The following CPN1 variants were observed in gnomAD, a reference collection of about 807,000 sequenced individuals.
CPN1 encodes the protein carboxypeptidase N subunit 1.
Under a neutral mutation model 46.4 loss-of-function variants are expected in CPN1, and 37 were observed. The ratio of observed to expected loss-of-function variants is 0.80; its 90% confidence interval spans 0.61 to 1.05. The LOEUF is 1.05. Ranked by LOEUF, CPN1 falls within the 50% of genes least tolerant of loss-of-function variation. The pLI, the probability that CPN1 is intolerant of heterozygous loss-of-function variation, is 0.00. For missense variants in CPN1, 563 were observed against 602.6 expected (o/e 0.93, Z 0.69); for synonymous variants, 224 against 235.4 (o/e 0.95, Z 0.44).
chr10:100,075,764 C>A, intron 2 of CPN1, 147 bp downstream of exon 2: 1 of 892,188 alleles, frequency 1.1e-6, no homozygotes, highest in Admixed American at 2.1e-5. Flanking sequence ...TCTTATATTT[C>A]TGATGGATTT....
At chr10:100,077,815 G>C (rs2041523861) in intron 1 of CPN1, among the ~76,000 whole-genome samples, 1 of 152,024 alleles carries the variant, frequency 6.6e-6, no homozygotes, top group South Asian at 2.1e-4. Context: ...TATAGTAGAT[G>C]ACAGGTAGTT....
intron 3 of CPN1, 48 bp from the exon 4 acceptor site, chr10:100,065,418 A>G (rs1245272872): frequency 1.9e-6 from 3 of 1,608,188 alleles, no homozygotes; most frequent in Non-Finnish European, 2.6e-6. Flanking sequence ...TGGGGCTACC[A>G]AACAAACGGC....
At position 100,075,937 on chromosome 10, in the gene CPN1, C is replaced by T. The variant is rs754558434; in HGVS notation, c.394G>A (p.Asp132Asn). The T allele has an allele frequency of 2.7e-5, 43 of 1,614,022 alleles. 1 individual carries two copies. The highest frequency in any genetic ancestry group is 8.3e-5 in the Admixed American group (5 of 60,004). ...TGGGCAGCAGCCACCTCGTAGCCGT[C>T]GGGGTTCATGGATGGCAGGATGTGA... ...RIHILPSMNP[D>N]GYEVAAAQGP... Residue 132 changes from aspartate (D) to asparagine (N), a missense_variant, in exon 2 of 9, where the codon GAC (aspartate) becomes AAC (asparagine). Coordinates refer to ENST00000370418, the MANE Select transcript of CPN1 (RefSeq NM_001308.3).
intron 5 of CPN1, among the ~76,000 whole-genome samples, chr10:100,060,059 AG>A (rs1413694360): frequency 1.3e-5 from 2 of 152,164 alleles, no homozygotes; most frequent in African/African-American, 4.8e-5. Context: ...AAAGACAAAA[AG>A]TAGAATGGTG....
intron 7 of CPN1, among the ~76,000 whole-genome samples, chr10:100,053,460 C>CA (rs2041367067): frequency 6.6e-6 from 1 of 151,806 alleles, no homozygotes; most frequent in Admixed American, 6.6e-5. Context: ...CCCATCTCTA[C>CA]AAAAAACACA....
At chr10:100,054,313 G>A in intron 7 of CPN1, 34 bp downstream of exon 7, 4 of 1,521,066 alleles carry the variant, frequency 2.6e-6, no homozygotes, top group South Asian at 2.2e-5. Flanking sequence ...AGGAGTTAAC[G>A]CTTCCTTCTT....
At position 100,081,051 on chromosome 10, in the gene CPN1, C is replaced by T. The variant is rs142096740; in HGVS notation, c.223+352G>A. On this transcript the variant is annotated intron_variant, in intron 1 of 8. Transcript: ENST00000370418. ...AAGGGCTCATTGTTTTTGCCTATGT[C>T]TCCTGAGCCATTGGGTGGGGAAAGA... Among the ~76,000 whole-genome samples, 1,012 of 152,222 alleles carry T rather than the reference C, an allele frequency of 6.6e-3. 15 individuals carry two copies. The highest frequency in any genetic ancestry group is 0.023 in the African/African-American group (938 of 41,524).
intron 2 of CPN1, among the ~76,000 whole-genome samples, chr10:100,070,077 C>T (rs2041475877): frequency 6.6e-6 from 1 of 151,914 alleles, no homozygotes; most frequent in African/African-American, 2.4e-5. Context: ...CACACACCAC[C>T]ACACCCGCTA....
rs2041278645 is a variant in CPN1, at chr10:100,042,272, G to A, written c.*155C>T. On this transcript the variant is annotated 3_prime_UTR_variant, in exon 9 of 9. Coordinates refer to ENST00000370418, the MANE Select transcript of CPN1 (RefSeq NM_001308.3). ...CTAATTTTTTTCATGATGACCTAGAGATGGCTTACCCCTGGAACAGATGGA... is the reference window on the plus strand; with the variant it reads ...CTAATTTTTTTCATGATGACCTAGAAATGGCTTACCCCTGGAACAGATGGA... The A allele has an allele frequency of 9.6e-7, 1 of 1,039,116 alleles. No individual in the cohort carries two copies. The allele number at this position is 1,039,116 out of a possible 1,614,324, so 64.4% of individuals were successfully genotyped here.
In CPN1 at chr10:100,067,287, T is replaced by G. The variant is rs541742610; in HGVS notation, c.577-1917A>C. 1.5e-3 allele frequency among the ~76,000 whole-genome samples: 234 copies of G among 152,246 alleles called. 1 individual carries two copies. Among genetic ancestry groups the G allele is most frequent in the Non-Finnish European group, 2.2e-3 (153 of 68,028 alleles). On this transcript the variant is annotated intron_variant, in intron 3 of 8. Coordinates refer to ENST00000370418, the MANE Select transcript of CPN1 (RefSeq NM_001308.3). Reference sequence around the variant, plus strand: ...GCCCACCACCACAGCTGGCTAATTTTTGTATTTTTAGTAGGATGGGGTTTC... The same window carrying G: ...GCCCACCACCACAGCTGGCTAATTTGTGTATTTTTAGTAGGATGGGGTTTC...
chr10:100,056,147 C>A (rs1400998981), intron 6 of CPN1, among the ~76,000 whole-genome samples: 2 of 152,222 alleles, frequency 1.3e-5, no homozygotes, highest in Non-Finnish European at 2.9e-5. Flanking sequence ...CACATCCTTG[C>A]AAACATTTGT....
intron 2 of CPN1, among the ~76,000 whole-genome samples, chr10:100,074,131 A>G (rs1298577664): frequency 6.6e-6 from 1 of 152,138 alleles, no homozygotes; most frequent in Non-Finnish European, 1.5e-5. Flanking sequence ...GTAACATAAC[A>G]TATTCATAGG....
chr10:100,053,010 A>G (rs2133429393), intron 7 of CPN1, among the ~76,000 whole-genome samples: 1 of 152,340 alleles, frequency 6.6e-6, no homozygotes, highest in East Asian at 1.9e-4. Context: ...CATAAGGATG[A>G]TTCCTACGAC....
chr10:100,049,648 C>T (rs2041338359), intron 7 of CPN1, among the ~76,000 whole-genome samples: 2 of 151,744 alleles, frequency 1.3e-5, no homozygotes, highest in African/African-American at 4.8e-5. Flanking sequence ...CTCAAGTGAT[C>T]CTTCCGCCTC....
chr10:100,060,869 C>T (rs187753715), intron 5 of CPN1, among the ~76,000 whole-genome samples: 1 of 152,142 alleles, frequency 6.6e-6, no homozygotes, highest in East Asian at 1.9e-4. Context: ...CCTAAGTGTG[C>T]ATCAACAGAC....
At chr10:100,069,641 T>G in intron 3 of CPN1, 73 bp downstream of exon 3, 6 of 1,570,218 alleles carry the variant, frequency 3.8e-6, no homozygotes, top group Non-Finnish European at 5.3e-6. Flanking sequence ...GATGTAAAGA[T>G]GGCTTAGCAG....
Position 100,069,713 on chromosome 10 carries a change from C to T in CPN1, c.576+1G>A. ...CTTTGTTTGCAAATTTCATCTCCTACCTGACTTTTCCAGTTGTCTGGAAGG... is the reference window on the plus strand; with the variant it reads ...CTTTGTTTGCAAATTTCATCTCCTATCTGACTTTTCCAGTTGTCTGGAAGG... On this transcript the variant is annotated splice_donor_variant, in intron 3 of 8. Coordinates refer to ENST00000370418, the MANE Select transcript of CPN1 (RefSeq NM_001308.3). LOFTEE classifies it high-confidence loss of function. 1 of 1,613,900 alleles carries T rather than the reference C, an allele frequency of 6.2e-7. No homozygotes were observed. Among genetic ancestry groups the T allele is most frequent in the Non-Finnish European group, 8.5e-7 (1 of 1,180,012 alleles).
chr10:100,051,770 C>G (rs897630277), intron 7 of CPN1, among the ~76,000 whole-genome samples: 5 of 152,066 alleles, frequency 3.3e-5, no homozygotes, highest in African/African-American at 1.2e-4. Flanking sequence ...CTTAGGTGAT[C>G]CACCCGCCTT....
Position 100,055,768 on chromosome 10 carries a change from C to A in CPN1, c.1011+1245G>T, listed in dbSNP as rs141515783. On this transcript the variant is annotated intron_variant, in intron 6 of 8. Transcript: ENST00000370418. ...CAAACTCCCAAACTCAGGTGATCCGCCCGCCTCGGCCTCCCAAAGTGCTGG... is the reference window on the plus strand; with the variant it reads ...CAAACTCCCAAACTCAGGTGATCCGACCGCCTCGGCCTCCCAAAGTGCTGG... 4.6e-3 allele frequency among the ~76,000 whole-genome samples: 706 copies of A among 152,322 alleles called. 4 individuals are homozygous for A. Among genetic ancestry groups the A allele is most frequent in the African/African-American group, 0.016 (672 of 41,564 alleles).
Sources: gnomAD v4.1 joint callset for allele counts (sites outside exome capture counted in the v4.1 genomes callset) on GRCh38, gnomAD v4.1.1 for gene constraint, MANE v1.5 for transcripts, NCBI Gene and HGNC (gene_info 2026-07-23, HGNC 2026-07-21) for gene names.